Variants in WWC1 observed in about 807,000 individuals in gnomAD.
WWC1 encodes WW and C2 domain containing 1.
A neutral mutation model predicts 138.4 loss-of-function variants in WWC1; 55 were observed. The ratio of observed to expected loss-of-function variants is 0.40; its 90% CI spans 0.32 to 0.50. The LOEUF is 0.50. WWC1 is among the 20% of genes least tolerant of loss of function. WWC1 has a pLI of 0.72. For missense variants in WWC1, 1,226 were observed against 1,420.4 expected (o/e 0.86, Z 2.20); for synonymous variants, 524 against 564.9 (o/e 0.93, Z 1.03).
At chr5:168,445,701 CAA>C (rs763044458) in intron 17 of WWC1, among the ~76,000 whole-genome samples, 935 of 50,608 alleles carry the variant, frequency 0.018, 3 homozygotes, top group African/African-American at 0.043. Flanking sequence ...GACTCTGTCT[CAA>C]AAAAAAAAAA....
intron 1 of WWC1, among the ~76,000 whole-genome samples, chr5:168,311,848 G>T (rs1457419037): frequency 6.6e-6 from 1 of 151,044 alleles, no homozygotes; most frequent in Non-Finnish European, 1.5e-5. Context: ...CTGCACTCCA[G>T]TCTAGGCAAC....
intron 15 of WWC1, among the ~76,000 whole-genome samples, chr5:168,435,384 C>T (rs747639840): frequency 2.0e-5 from 3 of 152,174 alleles, no homozygotes; most frequent in Non-Finnish European, 4.4e-5. Flanking sequence ...TATCATCATG[C>T]TGTTATTTCT....
chr5:168,380,950 G>C (rs1777581403), intron 2 of WWC1, among the ~76,000 whole-genome samples: 1 of 152,158 alleles, frequency 6.6e-6, no homozygotes, highest in Non-Finnish European at 1.5e-5. Context: ...CAAACTGGGA[G>C]AGGGGGTGAG....
At chr5:168,326,613 A>G (rs1772577871) in intron 1 of WWC1, among the ~76,000 whole-genome samples, 1 of 151,890 alleles carries the variant, frequency 6.6e-6, no homozygotes, top group South Asian at 2.1e-4. Context: ...ATCTCAGCTC[A>G]CTGCAACCTC....
chr5:168,435,278 A>G (rs990415214), intron 15 of WWC1, among the ~76,000 whole-genome samples: 1 of 151,756 alleles, frequency 6.6e-6, no homozygotes, highest in Non-Finnish European at 1.5e-5. Context: ...TGAGGCCACC[A>G]CCCCCATTTT....
intron 16 of WWC1, among the ~76,000 whole-genome samples, chr5:168,442,150 A>G (rs916111208): frequency 6.6e-6 from 1 of 152,246 alleles, no homozygotes; most frequent in African/African-American, 2.4e-5. Flanking sequence ...TGTGGAAGGA[A>G]AAAGATTAAC....
intron 15 of WWC1, among the ~76,000 whole-genome samples, chr5:168,436,397 A>G (rs78272946): frequency 0.02 from 2,965 of 151,902 alleles, 111 homozygotes; most frequent in African/African-American, 0.068. Context: ...ACCTCCCTAT[A>G]TCAGAGGGCC....
intron 16 of WWC1, among the ~76,000 whole-genome samples, chr5:168,442,795 C>T (rs1023497050): frequency 6.7e-6 from 1 of 149,480 alleles, no homozygotes; most frequent in Non-Finnish European, 1.5e-5. Context: ...CAAGATTACA[C>T]TGTCGCACTC....
intron 3 of WWC1, among the ~76,000 whole-genome samples, chr5:168,386,468 C>T (rs1778057182): frequency 6.6e-6 from 1 of 151,734 alleles, no homozygotes; most frequent in African/African-American, 2.4e-5. Context: ...TCTCTGCTCG[C>T]TGCAAGCTCC....
chr5:168,312,306 A>C (rs1012947792), intron 1 of WWC1, among the ~76,000 whole-genome samples: 1 of 152,212 alleles, frequency 6.6e-6, no homozygotes, highest in African/African-American at 2.4e-5. Flanking sequence ...ACTAACCATC[A>C]TACCAACCTT....
In WWC1 at chr5:168,312,954, G is replaced by A. The variant is rs376014262; in HGVS notation, c.119+20683G>A. On this transcript the variant is annotated intron_variant, in intron 1 of 22. Transcript: ENST00000265293. ...CTCTCGAGTAGCTGGGACTACAGGC[G>A]TGTGCCACCACACCTGGCTAATTTT... Among the ~76,000 whole-genome samples the A allele has an allele frequency of 2.8e-3, 418 of 151,628 alleles. 1 individual carries two copies. The highest frequency in any genetic ancestry group is 9.4e-3 in the African/African-American group (390 of 41,348).
At chr5:168,322,753 T>C (rs1404160940) in intron 1 of WWC1, among the ~76,000 whole-genome samples, 8 of 152,180 alleles carry the variant, frequency 5.3e-5, no homozygotes, top group Non-Finnish European at 1.2e-4. Context: ...GGTGCCACAT[T>C]GTCATCAGGG....
At chr5:168,355,979 G>T (rs564012503) in intron 1 of WWC1, among the ~76,000 whole-genome samples, 1 of 152,058 alleles carries the variant, frequency 6.6e-6, no homozygotes, top group Non-Finnish European at 1.5e-5. Flanking sequence ...CTCTTGGGGG[G>T]GCTGTGATGA....
chr5:168,382,575 G>C (rs1212780205), intron 2 of WWC1, among the ~76,000 whole-genome samples: 1 of 152,218 alleles, frequency 6.6e-6, no homozygotes, highest in Non-Finnish European at 1.5e-5. Context: ...GTGTAGGGCA[G>C]ATCCCTCAGG....
chr5:168,403,028 TTCTTTCTTTCTTTCTTTC>T (rs1191584108), intron 5 of WWC1, among the ~76,000 whole-genome samples: 290 of 125,072 alleles, frequency 2.3e-3, no homozygotes, highest in African/African-American at 9.3e-3. Context: ...CTTTCTTTCT[TTCTTTCTTTCTTTCTTTC>T]TTTCTTTCTT....
chr5:168,334,548 C>G (rs995803027), intron 1 of WWC1, among the ~76,000 whole-genome samples: 1 of 152,048 alleles, frequency 6.6e-6, no homozygotes, highest in Admixed American at 6.6e-5. Flanking sequence ...CAGACCCTCC[C>G]CCCTCCACCC....
rs1441059530 is a variant in WWC1 at position 168,414,588 on chromosome 5, G to C, written c.1182G>C (p.Glu394Asp). Residue 394 changes from glutamate (E) to aspartate (D), a missense_variant and splice_region_variant, in exon 9 of 23, where the codon GAG becomes GAC. Transcript: ENST00000265293. Reference protein sequence around the residue: ...ARDTQSKALTERLKLNSKRNQ... With the variant: ...ARDTQSKALTDRLKLNSKRNQ... ...ACACCCAGAGCAAGGCGCTGACGGA[G>C]AGGTGGGGCTGGGGCCCCAGGGTGT... The C allele has an allele frequency of 6.8e-5, 105 of 1,551,122 alleles. No homozygotes were observed. Among genetic ancestry groups the C allele is most frequent in the Non-Finnish European group, 9.1e-5 (105 of 1,147,794 alleles).
At chr5:168,348,481 A>T (rs1294982772) in intron 1 of WWC1, among the ~76,000 whole-genome samples, 1 of 152,218 alleles carries the variant, frequency 6.6e-6, no homozygotes, top group African/African-American at 2.4e-5. Context: ...TCCCTGAAGC[A>T]TACCTCTCAA....
chr5:168,398,222 G>A (rs1003434769), intron 4 of WWC1, among the ~76,000 whole-genome samples: 3 of 152,048 alleles, frequency 2.0e-5, no homozygotes, highest in Non-Finnish European at 4.4e-5. Flanking sequence ...TCCTGCCTCA[G>A]CCTCCCAAGT....
Sources: allele counts gnomAD v4.1 joint callset (sites outside exome capture counted in the v4.1 genomes callset), GRCh38; gene constraint gnomAD v4.1.1; transcripts MANE v1.5; gene names NCBI Gene and HGNC (gene_info 2026-07-23, HGNC 2026-07-21).